The following HIBCH variants were observed in gnomAD, a reference collection of about 807,000 sequenced individuals.
HIBCH encodes 3-hydroxyisobutyryl-CoA hydrolase, mitochondrial.
HIBCH carries 50 observed loss-of-function variants against 58.2 expected under a neutral mutation model. That is an observed-to-expected ratio of 0.86 (90% confidence interval 0.68 to 1.09). The LOEUF (loss-of-function observed/expected upper bound fraction) is 1.09, where lower values mean the gene tolerates loss of function less well. Ranked by LOEUF, HIBCH falls within the 50% of genes least tolerant of loss-of-function variation. The pLI, the probability that HIBCH is intolerant of heterozygous loss-of-function variation, is 0.00. For synonymous variants in HIBCH, 151 were observed against 146.9 expected (o/e 1.03, Z -0.20); for missense variants, 450 against 449.7 (o/e 1.00, Z -0.01).
exon 1 of HIBCH, chr2:190,319,824 CCCACCGCCG>C: frequency 6.4e-7 from 1 of 1,560,550 alleles, no homozygotes. Flanking sequence ...GTGAGCCCCG[CCCACCGCCG>C]TCCTGCGCCG....
At chr2:190,196,518 G>A (rs911381902) in intron 1 of HIBCH, among the ~76,000 whole-genome samples, 2 of 147,426 alleles carry the variant, frequency 1.4e-5, no homozygotes, top group African/African-American at 2.5e-5. Context: ...AAGAAATGCT[G>A]GGTCTTTTTT....
chr2:190,270,803 T>G (rs1229081530), intron 6 of HIBCH, among the ~76,000 whole-genome samples: 2 of 152,144 alleles, frequency 1.3e-5, no homozygotes, highest in African/African-American at 4.8e-5. Context: ...AAACAAAGAT[T>G]TTTACTATGT....
In HIBCH at chr2:190,249,697, G is replaced by C. The variant is rs1373938707; in HGVS notation, c.693C>G (p.Ala231=). 6.2e-7 allele frequency: 1 copy of C among 1,609,246 alleles called. No individual in the cohort carries two copies. The highest frequency in any genetic ancestry group is 8.5e-7 in the Non-Finnish European group (1 of 1,176,100). ...KLAMLEEDLL[A]LKSPSKENIA... is the part of the protein sequence containing the mutation. ...TATTTTCTTTTGAAGGAGATTTCAA[G>C]GCTAACAAATCTTCCTCTAACATGG... Residue 231 remains alanine, a synonymous_variant, in exon 9 of 14, where the codon GCC becomes GCG. Transcript: ENST00000359678.
intron 7 of HIBCH, among the ~76,000 whole-genome samples, chr2:190,255,431 C>G (rs958944440): frequency 6.6e-6 from 1 of 152,208 alleles, no homozygotes; most frequent in Non-Finnish European, 1.5e-5. Context: ...CTGAGAGCAT[C>G]TTTAATCATC....
chr2:190,280,913 TCC>T (rs1687691010), intron 6 of HIBCH: 1 of 152,220 alleles, frequency 6.6e-6, no homozygotes, highest in African/African-American at 2.4e-5. Context: ...AAACTGTCAC[TCC>T]TGCTCAAAAA....
At chr2:190,259,318 G>GGT (rs1364718798) in intron 7 of HIBCH, among the ~76,000 whole-genome samples, 15 of 71,202 alleles carry the variant, frequency 2.1e-4, no homozygotes, top group Non-Finnish European at 4.3e-4. Context: ...TCAGTATACA[G>GGT]ATGTGTGTGT....
chr2:190,237,252 T>C (rs1686300958), intron 11 of HIBCH, among the ~76,000 whole-genome samples: 1 of 152,194 alleles, frequency 6.6e-6, no homozygotes, highest in African/African-American at 2.4e-5. Context: ...TGGCAACTGA[T>C]CTGTTTTCTA....
At chr2:190,294,054 A>ATATATG (rs1688040349) in intron 4 of HIBCH, among the ~76,000 whole-genome samples, 1 of 144,448 alleles carries the variant, frequency 6.9e-6, no homozygotes, top group Non-Finnish European at 1.5e-5. Context: ...ATATATATAT[A>ATATATG]GCAACAGGAT....
chr2:190,230,543 A>G (rs1686066087), intron 11 of HIBCH, among the ~76,000 whole-genome samples: 1 of 152,202 alleles, frequency 6.6e-6, no homozygotes, highest in African/African-American at 2.4e-5. Flanking sequence ...AAAAATACAA[A>G]AATTAGCTGG....
chr2:190,289,065 C>G (rs1165222220), intron 5 of HIBCH, among the ~76,000 whole-genome samples: 1 of 152,014 alleles, frequency 6.6e-6, no homozygotes, highest in Non-Finnish European at 1.5e-5. Context: ...GAGCCAAGAT[C>G]GCACCACTGC....
chr2:190,245,696 G>GA (rs77047754), intron 10 of HIBCH, among the ~76,000 whole-genome samples: 56 of 150,772 alleles, frequency 3.7e-4, no homozygotes, highest in African/African-American at 6.8e-4. Flanking sequence ...AAAGGTAAGT[G>GA]AAAAAAAAAC....
chr2:190,302,560 C>T (rs1688291579), intron 2 of HIBCH, among the ~76,000 whole-genome samples: 1 of 152,138 alleles, frequency 6.6e-6, no homozygotes, highest in African/African-American at 2.4e-5. Context: ...AAAGAAGGAA[C>T]AACAGTCAGG....
chr2:190,274,071 G>A (rs1164962953), intron 6 of HIBCH, among the ~76,000 whole-genome samples: 1 of 151,994 alleles, frequency 6.6e-6, no homozygotes, highest in Non-Finnish European at 1.5e-5. Context: ...CAAAGCGCTG[G>A]GATTACAGGC....
intron 11 of HIBCH, among the ~76,000 whole-genome samples, chr2:190,230,373 A>T (rs1180000014): frequency 6.6e-6 from 1 of 152,264 alleles, no homozygotes; most frequent in South Asian, 2.1e-4. Flanking sequence ...CATTTCCAAT[A>T]AATCTGACAA....
chr2:190,268,584 G>T (rs1687305714), intron 6 of HIBCH, among the ~76,000 whole-genome samples: 1 of 152,148 alleles, frequency 6.6e-6, no homozygotes, highest in South Asian at 2.1e-4. Context: ...GGAGAAGAAA[G>T]CTGACACAGC....
intron 2 of HIBCH, among the ~76,000 whole-genome samples, chr2:190,300,782 T>C (rs1351370823): frequency 1.3e-5 from 2 of 152,228 alleles, no homozygotes; most frequent in Non-Finnish European, 2.9e-5. Flanking sequence ...TTTTACAGCT[T>C]TGGGTTTTAC....
chr2:190,284,902 T>C (rs752949077), intron 6 of HIBCH, among the ~76,000 whole-genome samples: 17 of 152,216 alleles, frequency 1.1e-4, no homozygotes, highest in Non-Finnish European at 1.8e-4. Flanking sequence ...TCTTATTTCA[T>C]TATATCTGAT....
rs970068449 is a variant in HIBCH, at chr2:190,281,819, C to T, written c.438+5767G>A. 6.6e-6 allele frequency among the ~76,000 whole-genome samples: 1 copy of T among 152,178 alleles called. No homozygotes were observed. The highest frequency in any genetic ancestry group is 6.5e-5 in the Admixed American group (1 of 15,284). Reference sequence around the variant, plus strand: ...CGGATTAGATAGATCTTCTTCCAGGCATTCTAATTCATGGCTCTAAATTCC... The same window carrying T: ...CGGATTAGATAGATCTTCTTCCAGGTATTCTAATTCATGGCTCTAAATTCC... On this transcript the variant is annotated intron_variant, in intron 6 of 13. Coordinates refer to ENST00000359678, the MANE Select transcript of HIBCH (RefSeq NM_014362.4). The surrounding 1 kb of genome is among the most constrained non-coding windows in gnomAD (Gnocchi z 5.4).
chr2:190,298,222 A>G (rs571340155), intron 2 of HIBCH, among the ~76,000 whole-genome samples: 50 of 152,290 alleles, frequency 3.3e-4, no homozygotes, highest in Middle Eastern at 3.4e-3. Context: ...ACATATGTGT[A>G]CATGTGCCTT....
Sources: allele counts gnomAD v4.1 joint callset (sites outside exome capture counted in the v4.1 genomes callset), GRCh38; gene constraint gnomAD v4.1.1; non-coding constraint Gnocchi (gnomAD v3.1); transcripts MANE v1.5; gene names NCBI Gene and HGNC (gene_info 2026-07-23, HGNC 2026-07-21).